The following ANKS6 variants were observed in gnomAD, a reference collection of about 807,000 sequenced individuals.
The protein encoded by ANKS6 is ankyrin repeat and SAM domain-containing protein 6.
ANKS6 carries 47 observed loss-of-function variants against 77.9 expected under a neutral mutation model. The observed-to-expected ratio is 0.60, with a 90% CI of 0.48 to 0.77. The LOEUF (loss-of-function observed/expected upper bound fraction) is 0.77, where lower values mean the gene tolerates loss of function less well. Among genes scored for constraint, ANKS6 ranks in the 30% least tolerant of loss-of-function variants. The probability of loss-of-function intolerance (pLI) is 0.00; values close to 1 mark genes in which losing one functional copy is unlikely to be tolerated. For missense variants in ANKS6, 1,150 were observed against 1,159.1 expected, an observed-to-expected ratio of 0.99 and a Z score of 0.11; for synonymous variants, 488 against 501.7, an observed-to-expected ratio of 0.97 and a Z score of 0.37.
chr9:98,733,495 C>T lies in ANKS6; in HGVS notation c.*3024G>A. On this transcript the variant is annotated 3_prime_UTR_variant, in exon 15 of 15. Coordinates refer to ENST00000353234, the MANE Select transcript of ANKS6 (RefSeq NM_173551.5). ...CCCTGATGTCCCACTGCCAAGCAGG[C>T]CACCTCTGCAGAGCTGCTGGGGAGA... 1 of 985,502 alleles carries T rather than the reference C, an allele frequency of 1.0e-6. No individual in the cohort carries two copies. The highest frequency in any genetic ancestry group is 1.1e-4 in the East Asian group (1 of 8,806). The allele number at this position is 985,502 out of a possible 1,614,324, so 61.0% of individuals were successfully genotyped here.
intron 11 of ANKS6, among the ~76,000 whole-genome samples, chr9:98,761,351 C>A (rs1225369304): frequency 2.0e-5 from 3 of 152,158 alleles, no homozygotes; most frequent in Non-Finnish European, 4.4e-5. Context: ...CTCACTGCAG[C>A]CTTGAACTCT....
Position 98,734,167 on chromosome 9 carries a change from C to A in ANKS6, c.*2352G>T. 1.0e-6 allele frequency: 1 copy of A among 985,420 alleles called. No homozygotes were observed. The highest frequency in any genetic ancestry group is 1.2e-6 in the Non-Finnish European group (1 of 829,960). The allele number at this position is 985,420 out of a possible 1,614,324, so 61.0% of individuals were successfully genotyped here. A position where few individuals can be genotyped will look rare whatever the true frequency, so the allele number is the denominator to read the frequency against. ...AGGGTGCCAGGGACCTCTTGTGAAC[C>A]AGCACACAAACTTCCTAGGATGAAA... On this transcript the variant is annotated 3_prime_UTR_variant, in exon 15 of 15. Transcript: ENST00000353234.
In ANKS6 at chr9:98,763,083, A is replaced by G. The variant is rs1367880010; in HGVS notation, c.2142+4998T>C. 3.3e-5 allele frequency among the ~76,000 whole-genome samples: 5 copies of G among 152,126 alleles called. No homozygotes were observed. The East Asian group carries it at 9.6e-4, about 29-fold the overall frequency. On this transcript the variant is annotated intron_variant, in intron 11 of 14. Transcript: ENST00000353234. ...AGTAATTAGTAGAACAAGTAGAGAG[A>G]AAATCAGTAAGAATATAGAAGACAT... is the stretch of plus-strand genomic sequence containing the variant.
chr9:98,750,334 C>T (rs759395450), intron 13 of ANKS6, among the ~76,000 whole-genome samples: 20 of 152,242 alleles, frequency 1.3e-4, no homozygotes, highest in Admixed American at 9.2e-4. Flanking sequence ...GGTTCATCCA[C>T]GTTGCAGCAT....
Position 98,734,194 on chromosome 9 carries a change from G to A in ANKS6, c.*2325C>T. On this transcript the variant is annotated 3_prime_UTR_variant, in exon 15 of 15. Coordinates refer to ENST00000353234, the MANE Select transcript of ANKS6 (RefSeq NM_173551.5). ...GCACACAAACTTCCTAGGATGAAAA[G>A]CCTTGGACACTTGAGTCCAGTGAAA... is the stretch of plus-strand genomic sequence containing the variant. 5.1e-6 allele frequency: 5 copies of A among 985,472 alleles called. No individual in the cohort carries two copies. The highest frequency in any genetic ancestry group is 6.0e-6 in the Non-Finnish European group (5 of 830,022). 61.0% of individuals were successfully genotyped at this position (985,472 alleles called of 1,614,324 possible). A position where few individuals can be genotyped will look rare whatever the true frequency, so the allele number is the denominator to read the frequency against.
rs1414678240 is a variant in ANKS6, at chr9:98,790,599, G to A, written c.367C>T (p.His123Tyr). 2 of 1,595,790 alleles carry A rather than the reference G, an allele frequency of 1.3e-6. No homozygotes were observed. The highest frequency in any genetic ancestry group is 1.7e-6 in the Non-Finnish European group (2 of 1,165,444). Residue 123 changes from histidine to tyrosine, a missense_variant, in exon 2 of 15, where the codon CAT becomes TAT. Coordinates refer to ENST00000353234, the MANE Select transcript of ANKS6 (RefSeq NM_173551.5). Reference sequence around the variant, plus strand: ...AACAGGAGGTGTGCCACACTCACATGCCCAAATCTGCCAGGAAGATGGAGA... The same window carrying A: ...AACAGGAGGTGTGCCACACTCACATACCCAAATCTGCCAGGAAGATGGAGA... ...SALMQAARFG[H>Y]VSVAHLLLDH... is the part of the protein sequence containing the mutation.
rs774477587 is a variant in ANKS6, at chr9:98,768,015, G to A, written c.2142+66C>T. The A allele has an allele frequency of 1.4e-4, 208 of 1,527,412 alleles. 1 individual carries two copies. Among genetic ancestry groups the A allele is most frequent in the Non-Finnish European group, 1.6e-4 (187 of 1,136,908 alleles). 94.6% of individuals were successfully genotyped at this position (1,527,412 alleles called of 1,614,324 possible). On this transcript the variant is annotated intron_variant, in intron 11 of 14. Transcript: ENST00000353234. ...GACTAAGGCACTGCCCATGCTTCCC[G>A]GCAAGTGGCCCATGTTAGAACAGAA...
intron 8 of ANKS6, among the ~76,000 whole-genome samples, chr9:98,775,962 A>G (rs543512933): frequency 1.8e-4 from 28 of 152,336 alleles, no homozygotes; most frequent in Non-Finnish European, 2.9e-4. Flanking sequence ...GCTGGGCTCT[A>G]AAGTTCCTGA....
At chr9:98,761,452 T>G (rs953610103) in intron 11 of ANKS6, among the ~76,000 whole-genome samples, 1 of 152,208 alleles carries the variant, frequency 6.6e-6, no homozygotes, top group Non-Finnish European at 1.5e-5. Context: ...AAAAAACTTT[T>G]TCCAGATCTA....
At position 98,734,617 on chromosome 9, in the gene ANKS6, G is replaced by A. The variant is rs752000871; in HGVS notation, c.*1902C>T. 1.1e-5 allele frequency: 11 copies of A among 976,202 alleles called. No individual in the cohort carries two copies. The highest frequency in any genetic ancestry group is 4.7e-5 in the South Asian group (1 of 21,074). The allele number at this position is 976,202 out of a possible 1,614,324, so 60.5% of individuals were successfully genotyped here. On this transcript the variant is annotated 3_prime_UTR_variant, in exon 15 of 15. Coordinates refer to ENST00000353234, the MANE Select transcript of ANKS6 (RefSeq NM_173551.5). ...ACAGGCTTGCAAGCCCACCAGGTCC[G>A]GTTCTGACCCCAGATCTGCTCCTTC...
At chr9:98,771,290 C>T (rs1330194686) in intron 9 of ANKS6, among the ~76,000 whole-genome samples, 1 of 152,214 alleles carries the variant, frequency 6.6e-6, no homozygotes, top group Non-Finnish European at 1.5e-5. Context: ...GGCCACCTTG[C>T]TTTCAGTCTC....
At chr9:98,776,400 CTTT>C (rs11320839) in intron 8 of ANKS6, among the ~76,000 whole-genome samples, 59 of 138,694 alleles carry the variant, frequency 4.3e-4, no homozygotes, top group African/African-American at 4.0e-4. Context: ...GCCAAAAACC[CTTT>C]TTTTTTTTTT....
intron 2 of ANKS6, among the ~76,000 whole-genome samples, chr9:98,787,770 G>C (rs1322101547): frequency 6.6e-6 from 1 of 152,184 alleles, no homozygotes. Context: ...GGCCAATTAA[G>C]ATGACCAAGA....
intron 14 of ANKS6, among the ~76,000 whole-genome samples, chr9:98,738,465 G>T (rs1197127521): frequency 6.6e-6 from 1 of 151,812 alleles, no homozygotes; most frequent in Non-Finnish European, 1.5e-5. Context: ...TATACAAATG[G>T]CCAGCAAACA....
chr9:98,773,779 C>A, intron 9 of ANKS6, 98 bp downstream of exon 9: 1 of 1,184,918 alleles, frequency 8.4e-7, no homozygotes, highest in Non-Finnish European at 1.1e-6. Flanking sequence ...AGTTGCAACC[C>A]CTCTGGATTC....
At chr9:98,769,114 A>C (rs1044317905) in intron 10 of ANKS6, among the ~76,000 whole-genome samples, 1 of 146,830 alleles carries the variant, frequency 6.8e-6, no homozygotes, top group African/African-American at 2.5e-5. Flanking sequence ...CAACAGTGAG[A>C]CTCTGTCTCA....
chr9:98,766,143 T>C (rs1490717987), intron 11 of ANKS6, among the ~76,000 whole-genome samples: 1 of 152,230 alleles, frequency 6.6e-6, no homozygotes, highest in Admixed American at 6.5e-5. Flanking sequence ...ATTAACATTA[T>C]GTTATAAATG....
At chr9:98,764,975 TC>T (rs1833192223) in intron 11 of ANKS6, among the ~76,000 whole-genome samples, 1 of 152,216 alleles carries the variant, frequency 6.6e-6, no homozygotes. Flanking sequence ...GACTAAGATT[TC>T]TAAGCATAAA....
chr9:98,790,704 T>C (rs960963837), intron 1 of ANKS6, 98 bp from the exon 2 acceptor site: 4 of 1,461,556 alleles, frequency 2.7e-6, no homozygotes, highest in Non-Finnish European at 3.7e-6. Context: ...TCCTGACAGC[T>C]GCTCATGATA....
Sources: gnomAD v4.1 joint callset for allele counts (sites outside exome capture counted in the v4.1 genomes callset) on GRCh38, gnomAD v4.1.1 for gene constraint, MANE v1.5 for transcripts, NCBI Gene and HGNC (gene_info 2026-07-23, HGNC 2026-07-21) for gene names.